Variants in ATP2A3 observed in about 807,000 individuals in gnomAD.
ATP2A3 encodes sarcoplasmic/endoplasmic reticulum calcium ATPase 3.
Under a neutral mutation model 106.8 loss-of-function variants are expected in ATP2A3, and 61 were observed. That is an observed-to-expected ratio of 0.57 (90% CI 0.46 to 0.71). ATP2A3 has a LOEUF of 0.71. ATP2A3 is among the 30% of genes least tolerant of loss of function. The pLI, the probability that ATP2A3 is intolerant of heterozygous loss-of-function variation, is 0.00. For synonymous variants in ATP2A3, 611 were observed against 609.3 expected (o/e 1.00, Z -0.04); for missense variants, 1,201 against 1,423.5 (o/e 0.84, Z 2.52).
Position 3,925,573 on chromosome 17 carries a change from G to A in ATP2A3, c.2981-132C>T. The A allele has an allele frequency of 8.6e-7, 1 of 1,167,834 alleles. No homozygotes were observed. The highest frequency in any genetic ancestry group is 1.2e-6 in the Non-Finnish European group (1 of 811,592). 72.3% of individuals were successfully genotyped at this position (1,167,834 alleles called of 1,614,324 possible). A position where few individuals can be genotyped will look rare whatever the true frequency, so the allele number is the denominator to read the frequency against. On this transcript the variant is annotated intron_variant, in intron 20 of 20. Transcript: ENST00000397041. This position sits in a 1 kb window ranked among gnomAD's most constrained non-coding sequence, Gnocchi z 4.2. ...GGCTCCCAAGGCCTCCCTTAGTCCA[G>A]ACCTCAGTCTACCCCAGCCCCACCG... is the stretch of plus-strand genomic sequence containing the variant.
rs1260366627 is a variant in ATP2A3 at position 3,927,001 on chromosome 17, C to T, written c.2981-1560G>A. ...CTACCTTGGCACTCAAGGCCCTTGC[C>T]CCTGCCGGGCCTCACCCCTCTGCCC... On this transcript the variant is annotated intron_variant, in intron 20 of 20. Transcript: ENST00000397041. 5.1e-6 allele frequency: 5 copies of T among 985,490 alleles called. No homozygotes were observed. The East Asian group carries it at 3.4e-4, about 67-fold the overall frequency. The allele number at this position is 985,490 out of a possible 1,614,324, so 61.0% of individuals were successfully genotyped here.
rs911658606 is a variant in ATP2A3, at chr17:3,953,236, C to T, written c.219+111G>A. ...GGGCCAGGGAAGGCCAGGGCGCAGGCCCAGGGTGTGGAGGACAGGCCCAGG... is the reference window on the plus strand; with the variant it reads ...GGGCCAGGGAAGGCCAGGGCGCAGGTCCAGGGTGTGGAGGACAGGCCCAGG... On this transcript the variant is annotated intron_variant, in intron 3 of 20. Coordinates refer to ENST00000397041, the MANE Select transcript of ATP2A3 (RefSeq NM_005173.4). The surrounding 1 kb of genome is among the most constrained non-coding windows in gnomAD (Gnocchi z 5.1). The T allele has an allele frequency of 1.6e-6, 2 of 1,256,758 alleles. No individual in the cohort carries two copies. The highest frequency in any genetic ancestry group is 2.3e-6 in the Non-Finnish European group (2 of 857,310). 77.9% of individuals were successfully genotyped at this position (1,256,758 alleles called of 1,614,324 possible).
intron 1 of ATP2A3, among the ~76,000 whole-genome samples, chr17:3,962,279 G>A (rs2055184124): frequency 6.6e-6 from 1 of 152,176 alleles, no homozygotes; most frequent in Admixed American, 6.5e-5. Flanking sequence ...TGTGACCTCG[G>A]GCAAGTGGTT....
rs192488091 is a variant in ATP2A3, at chr17:3,929,086, C to G, written c.2862+242G>C. Among the ~76,000 whole-genome samples the G allele has an allele frequency of 6.6e-6, 1 of 152,290 alleles. No individual in the cohort carries two copies. Among genetic ancestry groups the G allele is most frequent in the East Asian group, 1.9e-4 (1 of 5,186 alleles). On this transcript the variant is annotated intron_variant, in intron 19 of 20. Coordinates refer to ENST00000397041, the MANE Select transcript of ATP2A3 (RefSeq NM_005173.4). The surrounding 1 kb of genome is among the most constrained non-coding windows in gnomAD (Gnocchi z 4.3). ...GGGAGGATTCTGCCCTGGGAAAGCT[C>G]GTCCTTCCTCCCACCCCAGCCTGGG...
chr17:3,927,495 T>C, intron 20 of ATP2A3: 1 of 985,332 alleles, frequency 1.0e-6, no homozygotes, highest in Non-Finnish European at 1.2e-6. Flanking sequence ...GTGAGTGTGG[T>C]CAAGGGCGGC....
chr17:3,925,440 T>C lies in ATP2A3; in HGVS notation c.2982A>G (p.Glu994=), dbSNP rs779488848. The change falls in exon 21 of 21, where the codon GAA becomes GAG. Residue 994 remains glutamate (E), a splice_region_variant and synonymous_variant. Transcript: ENST00000397041. This position sits in a 1 kb window ranked among gnomAD's most constrained non-coding sequence, Gnocchi z 4.2. ...CCAGCGCTCACTTCTGGCTCATTTC[T>C]TCTGGAAGAAAAACCCAAGAGCGCG... ...LKYLSRNHMH[E]EMSQK 1.5e-5 allele frequency: 25 copies of C among 1,613,434 alleles called. No individual in the cohort carries two copies. The Admixed American group carries it at 4.0e-4, about 26-fold the overall frequency.
Position 3,953,524 on chromosome 17 carries a change from T to C in ATP2A3, c.137-95A>G. 1.3e-6 allele frequency: 2 copies of C among 1,519,716 alleles called. No homozygotes were observed. The highest frequency in any genetic ancestry group is 1.8e-5 in the Admixed American group (1 of 56,750). The allele number at this position is 1,519,716 out of a possible 1,614,324, so 94.1% of individuals were successfully genotyped here. On this transcript the variant is annotated intron_variant, in intron 2 of 20. Coordinates refer to ENST00000397041, the MANE Select transcript of ATP2A3 (RefSeq NM_005173.4). This position sits in a 1 kb window ranked among gnomAD's most constrained non-coding sequence, Gnocchi z 5.1. Reference sequence around the variant, plus strand: ...CCGGGAGACCTCCCGGCCCATTCCCTCCCTGCACTCAGAAGAGGGAGAACC... The same window carrying C: ...CCGGGAGACCTCCCGGCCCATTCCCCCCCTGCACTCAGAAGAGGGAGAACC...
rs749644844 is a variant in ATP2A3 at position 3,941,598 on chromosome 17, T to C, written c.1602A>G (p.Thr534=). Reference sequence around the variant, plus strand: ...CCCTGGAGGTGGGGGTCAGGGGTGCTGTGCGGCTCCCCACGCGGACTGAGC... The same window carrying C: ...CCCTGGAGGTGGGGGTCAGGGGTGCCGTGCGGCTCCCCACGCGGACTGAGC... The part of the protein sequence containing the change: ...RCSSVRVGSR[T]APLTPTSREQ... The change falls in exon 13 of 21, where the codon ACA becomes ACG. Residue 534 remains threonine, a synonymous_variant. Coordinates refer to ENST00000397041, the MANE Select transcript of ATP2A3 (RefSeq NM_005173.4). 6.2e-7 allele frequency: 1 copy of C among 1,612,548 alleles called. No homozygotes were observed. Among genetic ancestry groups the C allele is most frequent in the South Asian group, 1.1e-5 (1 of 91,080 alleles).
At position 3,953,461 on chromosome 17, in the gene ATP2A3, C is replaced by G; in HGVS notation, c.137-32G>C. 6.2e-7 allele frequency: 1 copy of G among 1,608,820 alleles called. No homozygotes were observed. Among genetic ancestry groups the G allele is most frequent in the Non-Finnish European group, 8.5e-7 (1 of 1,175,564 alleles). On this transcript the variant is annotated intron_variant, in intron 2 of 20. Transcript: ENST00000397041. The surrounding 1 kb of genome is among the most constrained non-coding windows in gnomAD (Gnocchi z 5.1). ...ACGGGGGTCATGTGTGAGGCTGGGC[C>G]CCCACCACTGACCCTGCCCACTCAG...
chr17:3,951,741 C>G, intron 3 of ATP2A3, 56 bp from the exon 4 acceptor site: 1 of 1,514,526 alleles, frequency 6.6e-7, no homozygotes, highest in Non-Finnish European at 9.0e-7. Context: ...ATCTGCTCTC[C>G]TTTTCCTTGG....
intron 5 of ATP2A3, 72 bp downstream of exon 5, chr17:3,951,179 T>A (rs934620686): frequency 2.3e-5 from 26 of 1,108,682 alleles, no homozygotes; most frequent in Admixed American, 1.3e-4. Flanking sequence ...TCTCAAAAAA[T>A]AAATAAATAA....
rs2054172592 is a variant in ATP2A3, at chr17:3,947,405, T to G, written c.1081A>C (p.Met361Leu). 6.2e-7 allele frequency: 1 copy of G among 1,613,728 alleles called. No individual in the cohort carries two copies. Among genetic ancestry groups the G allele is most frequent in the African/African-American group, 1.3e-5 (1 of 74,932 alleles). The change falls in exon 8 of 21, where the codon ATG becomes CTG. Residue 361 changes from methionine (M) to leucine (L), a missense_variant. By Grantham distance (15) the Met-to-Leu change is conservative. Transcript: ENST00000397041. The surrounding 1 kb of genome is among the most constrained non-coding windows in gnomAD (Gnocchi z 7.7). ...DKTGTLTTNQ[M>L]SVCRMFVVAE... ...CCGTCACTCACCCGGCAGACAGACA[T>G]CTGATTGGTGGTGAGCGTGCCCGTC... is the stretch of plus-strand genomic sequence containing the variant.
chr17:3,942,119 G>A (rs542814667), intron 12 of ATP2A3, among the ~76,000 whole-genome samples: 1 of 152,214 alleles, frequency 6.6e-6, no homozygotes, highest in South Asian at 2.1e-4. Context: ...GGGGTCCAGG[G>A]ATGACAGGCC....
intron 20 of ATP2A3, chr17:3,927,852 G>A: frequency 6.5e-7 from 1 of 1,548,554 alleles, no homozygotes. Flanking sequence ...TCCTGCCAGA[G>A]GTGGCCCCCA....
chr17:3,930,570 T>A lies in ATP2A3; in HGVS notation c.2611-136A>T. 1 of 674,160 alleles carries A rather than the reference T, an allele frequency of 1.5e-6. No homozygotes were observed. Among genetic ancestry groups the A allele is most frequent in the South Asian group, 1.6e-5 (1 of 61,264 alleles). 41.8% of individuals were successfully genotyped at this position (674,160 alleles called of 1,614,324 possible). ...CACAAAACACTGCCGTGGGGTGGGC[T>A]GGGGATCCCGGGAGGGGTGCGGGGT... On this transcript the variant is annotated intron_variant, in intron 17 of 20. Coordinates refer to ENST00000397041, the MANE Select transcript of ATP2A3 (RefSeq NM_005173.4). The surrounding 1 kb of genome is among the most constrained non-coding windows in gnomAD (Gnocchi z 5.4).
At position 3,928,546 on chromosome 17, in the gene ATP2A3, C is replaced by A; in HGVS notation, c.2980+117G>T. On this transcript the variant is annotated intron_variant, in intron 20 of 20. Transcript: ENST00000397041. The surrounding 1 kb of genome is among the most constrained non-coding windows in gnomAD (Gnocchi z 6.1). ...CCCTCCACTTGGTGATCCGAGAACG[C>A]CTCCCCGATGTGCAGACAGAGAGGC... The A allele has an allele frequency of 9.4e-7, 1 of 1,065,938 alleles. No homozygotes were observed. The highest frequency in any genetic ancestry group is 1.4e-5 in the South Asian group (1 of 73,228). The allele number at this position is 1,065,938 out of a possible 1,614,324, so 66.0% of individuals were successfully genotyped here. A position where few individuals can be genotyped will look rare whatever the true frequency, so the allele number is the denominator to read the frequency against.
At chr17:3,951,505 G>T (rs923424071) in intron 4 of ATP2A3, 76 bp downstream of exon 4, 2 of 1,567,556 alleles carry the variant, frequency 1.3e-6, no homozygotes, top group African/African-American at 1.4e-5. Flanking sequence ...TCTGCAGGAC[G>T]CCAGCACCAG....
rs767403905 is a variant in ATP2A3, at chr17:3,941,629, C to T, written c.1571G>A (p.Arg524His). The T allele has an allele frequency of 8.1e-6, 13 of 1,609,466 alleles. No homozygotes were observed. Among genetic ancestry groups the T allele is most frequent in the Non-Finnish European group, 9.3e-6 (11 of 1,180,012 alleles). The change falls in exon 13 of 21, where the codon CGC becomes CAC. Residue 524 changes from arginine to histidine, a missense_variant. Arg to His is a conservative substitution (Grantham distance 29). This residue lies in a region of ATP2A3 where 935 missense variants were observed against 1,176.7 expected (regional missense o/e 0.79). Transcript: ENST00000397041. ...VKGAPESVIE[R>H]CSSVRVGSRT... Reference sequence around the variant, plus strand: ...GCTCCCCACGCGGACTGAGCTACAGCGCTCGATCACACTCTCAGGAGCCCC... The same window carrying T: ...GCTCCCCACGCGGACTGAGCTACAGTGCTCGATCACACTCTCAGGAGCCCC...
Position 3,925,223 on chromosome 17 carries a change from C to A in ATP2A3, c.*199G>T. 1 of 795,924 alleles carries A rather than the reference C, an allele frequency of 1.3e-6. No homozygotes were observed. The highest frequency in any genetic ancestry group is 2.0e-6 in the Non-Finnish European group (1 of 492,010). The allele number at this position is 795,924 out of a possible 1,614,324, so 49.3% of individuals were successfully genotyped here. On this transcript the variant is annotated 3_prime_UTR_variant, in exon 21 of 21. Transcript: ENST00000397041. The surrounding 1 kb of genome is among the most constrained non-coding windows in gnomAD (Gnocchi z 4.2). ...TCCAGGAGACAGGAATTACAGACCTCCCAGGCCAGAAGGAAGTGGGGACAG... is the reference window on the plus strand; with the variant it reads ...TCCAGGAGACAGGAATTACAGACCTACCAGGCCAGAAGGAAGTGGGGACAG...
Sources: gnomAD v4.1 joint callset for allele counts (sites outside exome capture counted in the v4.1 genomes callset) on GRCh38, gnomAD v4.1.1 for gene constraint, gnomAD v4.1.1 regional missense constraint, Gnocchi (gnomAD v3.1) non-coding constraint, MANE v1.5 for transcripts, NCBI Gene and HGNC (gene_info 2026-07-23, HGNC 2026-07-21) for gene names.